Variants in MIS18A observed in about 807,000 individuals in gnomAD.
MIS18A encodes MIS18 kinetochore protein A, also known as protein Mis18-alpha.
In MIS18A, 14 loss-of-function variants were observed where a neutral mutation model predicts 25.0. The observed-to-expected ratio is 0.56, with a 90% confidence interval of 0.37 to 0.88. The LOEUF is 0.88. Ranked by LOEUF, MIS18A falls within the 40% of genes least tolerant of loss-of-function variation. MIS18A has a pLI of 0.00. For missense variants in MIS18A, 292 were observed against 290.8 expected (o/e 1.00, Z -0.03); for synonymous variants, 134 against 118.6 (o/e 1.13, Z -0.84).
chr21:32,266,482 T>G (rs2123459964), downstream of MIS18A, among the ~76,000 whole-genome samples: 1 of 152,294 alleles, frequency 6.6e-6, no homozygotes, highest in East Asian at 1.9e-4. Flanking sequence ...GCTCACTCTT[T>G]GGGTCCACGC....
chr21:32,187,542 A>G, the MIS18A span, among the ~76,000 whole-genome samples: 3 of 152,132 alleles, frequency 2.0e-5, no homozygotes, highest in Admixed American at 6.5e-5. Context: ...TTCTGCCTCA[A>G]TGGATCTGAC....
At chr21:32,241,847 C>T in the MIS18A span, among the ~76,000 whole-genome samples, 3 of 152,192 alleles carry the variant, frequency 2.0e-5, no homozygotes, top group African/African-American at 7.2e-5. Context: ...GCTCTCTTGA[C>T]AATTTCATAC....
Position 32,278,894 on chromosome 21 carries a change from G to A in MIS18A, c.121C>T (p.Arg41Cys), listed in dbSNP as rs1345916109. 6.2e-6 allele frequency: 10 copies of A among 1,613,206 alleles called. No homozygotes were observed. Among genetic ancestry groups the A allele is most frequent in the African/African-American group, 1.3e-5 (1 of 74,950 alleles). ...GCCCACTTCTGCAACAGCTGGTGGC[G>A]GCTCGAGTCTTCGGAGAGTCTCTTG... Reference protein sequence around the residue: ...LGKRLSEDSSRHQLLQKWASM... With the variant: ...LGKRLSEDSSCHQLLQKWASM... Residue 41 changes from arginine (R) to cysteine (C), a missense_variant, in exon 1 of 5, where the codon CGC becomes TGC. Transcript: ENST00000290130.
At chr21:32,237,764 C>G in the MIS18A span, among the ~76,000 whole-genome samples, 1 of 152,094 alleles carries the variant, frequency 6.6e-6, no homozygotes, top group Non-Finnish European at 1.5e-5. Flanking sequence ...GAAAAATGAT[C>G]ATTTTAATTA....
the MIS18A span, among the ~76,000 whole-genome samples, chr21:32,253,622 C>T: frequency 6.6e-5 from 10 of 152,124 alleles, no homozygotes; most frequent in African/African-American, 2.2e-4. Flanking sequence ...GGAGAGTGAG[C>T]GACCTGCCCC....
chr21:32,210,730 T>A, the MIS18A span, among the ~76,000 whole-genome samples: 1 of 152,200 alleles, frequency 6.6e-6, no homozygotes, highest in Admixed American at 6.5e-5. Flanking sequence ...ACAAATAGTG[T>A]AACCCACTCA....
the MIS18A span, among the ~76,000 whole-genome samples, chr21:32,258,958 C>T: frequency 1.3e-5 from 2 of 152,032 alleles, no homozygotes; most frequent in East Asian, 1.9e-4. Context: ...ACTGCAGCCT[C>T]GACCTCCCAG....
At chr21:32,245,039 A>C in the MIS18A span, among the ~76,000 whole-genome samples, 387 of 152,340 alleles carry the variant, frequency 2.5e-3, 2 homozygotes, top group African/African-American at 8.9e-3. Flanking sequence ...TCTGGATTTC[A>C]TTTGGAAAAA....
the MIS18A span, among the ~76,000 whole-genome samples, chr21:32,253,396 C>A: frequency 2.2e-5 from 3 of 136,588 alleles, no homozygotes; most frequent in South Asian, 2.7e-4. Context: ...GCCCTCCCCC[C>A]ACCCCCCATT....
chr21:32,278,620 G>C (rs756608132), intron 1 of MIS18A, 61 bp downstream of exon 1: 79 of 1,424,960 alleles, frequency 5.5e-5, no homozygotes, highest in Non-Finnish European at 7.2e-5. Flanking sequence ...GGCCGCCCAC[G>C]CGCGGCACCC....
the MIS18A span, among the ~76,000 whole-genome samples, chr21:32,238,876 T>C: frequency 6.6e-6 from 1 of 152,190 alleles, no homozygotes; most frequent in African/African-American, 2.4e-5. Flanking sequence ...CCTGTTCCAA[T>C]GTACAATTCG....
At chr21:32,156,560 A>G in the MIS18A span, 1 of 152,226 alleles carries the variant, frequency 6.6e-6, no homozygotes. Context: ...TTTATAAGAC[A>G]TTTAGGTGAA....
At chr21:32,276,593 C>CT (rs1416743025) in intron 1 of MIS18A, among the ~76,000 whole-genome samples, 6 of 151,098 alleles carry the variant, frequency 4.0e-5, no homozygotes, top group Non-Finnish European at 8.8e-5. Context: ...TATTAAGAAG[C>CT]TTTTTTATGT....
At chr21:32,184,940 C>T in the MIS18A span, among the ~76,000 whole-genome samples, 12 of 152,248 alleles carry the variant, frequency 7.9e-5, no homozygotes, top group South Asian at 2.1e-4. Flanking sequence ...AGCTCAGGGT[C>T]GGCTCCCACC....
At chr21:32,166,556 G>A in the MIS18A span, among the ~76,000 whole-genome samples, 2 of 152,096 alleles carry the variant, frequency 1.3e-5, no homozygotes, top group Non-Finnish European at 2.9e-5. Context: ...GTTCCCAGTG[G>A]CCAAAGCTGG....
At chr21:32,263,779 C>A (rs1430559549), downstream of MIS18A, among the ~76,000 whole-genome samples, 1 of 150,666 alleles carries the variant, frequency 6.6e-6, no homozygotes, top group African/African-American at 2.4e-5. Flanking sequence ...CAATATGCTG[C>A]AAACCCAGCT....
At chr21:32,210,547 G>A in the MIS18A span, among the ~76,000 whole-genome samples, 1 of 152,124 alleles carries the variant, frequency 6.6e-6, no homozygotes, top group African/African-American at 2.4e-5. Context: ...ATTTTAATGT[G>A]CCTCCTCCCC....
chr21:32,182,915 G>A, the MIS18A span, among the ~76,000 whole-genome samples: 1 of 152,314 alleles, frequency 6.6e-6, no homozygotes, highest in African/African-American at 2.4e-5. Flanking sequence ...GTACACGTTA[G>A]TAGACCCTTG....
At chr21:32,177,444 C>T in the MIS18A span, among the ~76,000 whole-genome samples, 187 of 152,124 alleles carry the variant, frequency 1.2e-3, no homozygotes, top group African/African-American at 4.2e-3. Flanking sequence ...CTAGAAGTTC[C>T]AGCCATTGAA....
Sources: gnomAD v4.1 joint callset for allele counts (sites outside exome capture counted in the v4.1 genomes callset) on GRCh38, gnomAD v4.1.1 for gene constraint, MANE v1.5 for transcripts, NCBI Gene and HGNC (gene_info 2026-07-23, HGNC 2026-07-21) for gene names.